BAG3: variants seen among roughly 807,000 people sequenced by gnomAD.
BAG3 encodes the protein BAG cochaperone 3.
In BAG3, 14 loss-of-function variants were observed where a neutral mutation model predicts 40.5. That is an observed-to-expected ratio of 0.35 (90% CI 0.23 to 0.54). BAG3 has a LOEUF of 0.54. BAG3 is among the 20% of genes least tolerant of loss of function. The pLI, the probability that BAG3 is intolerant of heterozygous loss-of-function variation, is 0.91. For synonymous variants in BAG3, 302 were observed against 307.8 expected (o/e 0.98, Z 0.20); for missense variants, 788 against 758.6 (o/e 1.04, Z -0.46).
chr10:119,672,439 C>T lies in BAG3; in HGVS notation c.692C>T (p.Thr231Met), dbSNP rs747454279. 27 of 1,614,108 alleles carry T rather than the reference C, an allele frequency of 1.7e-5. No homozygotes were observed. Among genetic ancestry groups the T allele is most frequent in the East Asian group, 2.2e-5 (1 of 44,884 alleles). Residue 231 changes from threonine to methionine, a missense_variant, in exon 3 of 4, where the codon ACG becomes ATG. Coordinates refer to ENST00000369085, the MANE Select transcript of BAG3 (RefSeq NM_004281.4). This position sits in a 1 kb window ranked among gnomAD's most constrained non-coding sequence, Gnocchi z 4.8. ...CCCTCCTTCCACCAAGCCCAGAAGACGCACTACCCAGCGCAGCAGGGGGAG... is the reference window on the plus strand; with the variant it reads ...CCCTCCTTCCACCAAGCCCAGAAGATGCACTACCCAGCGCAGCAGGGGGAG... ...AQPSFHQAQK[T>M]HYPAQQGEYQ...
intron 2 of BAG3, among the ~76,000 whole-genome samples, chr10:119,671,061 G>A (rs1469207664): frequency 1.3e-5 from 2 of 152,096 alleles, no homozygotes; most frequent in Admixed American, 1.3e-4. Context: ...TCTTAGAGAG[G>A]TAGTACCTGG....
chr10:119,655,947 C>T (rs772261490), intron 1 of BAG3, among the ~76,000 whole-genome samples: 3 of 152,158 alleles, frequency 2.0e-5, no homozygotes, highest in Non-Finnish European at 4.4e-5. Context: ...ATCAGGGCTG[C>T]TTGTGAGTCA....
In BAG3 at chr10:119,672,860, C is replaced by G. The variant is rs1386913625; in HGVS notation, c.909+204C>G. ...GCTGTGAACCCTCCGCACTCTGCAG[C>G]TTTTGCTGGGCTGATCATTGTGCAT... On this transcript the variant is annotated intron_variant, in intron 3 of 3. Transcript: ENST00000369085. This position sits in a 1 kb window ranked among gnomAD's most constrained non-coding sequence, Gnocchi z 4.8. Among the ~76,000 whole-genome samples, 1 of 152,172 alleles carries G rather than the reference C, an allele frequency of 6.6e-6. No homozygotes were observed. Among genetic ancestry groups the G allele is most frequent in the Non-Finnish European group, 1.5e-5 (1 of 68,036 alleles).
Position 119,672,403 on chromosome 10 carries a change from C to T in BAG3, c.656C>T (p.Pro219Leu). Residue 219 changes from proline (P) to leucine (L), a missense_variant, in exon 3 of 4, where the codon CCA becomes CTA. Physicochemically the swap from Pro to Leu is moderately conservative, Grantham distance 98. Transcript: ENST00000369085. The surrounding 1 kb of genome is among the most constrained non-coding windows in gnomAD (Gnocchi z 4.8). The stretch of plus-strand genomic sequence containing the variant: ...ATACACGAGCAGAACGTTACCCGGC[C>T]AGCAGCCCAGCCCTCCTTCCACCAA... Reference protein sequence around the residue: ...PVIHEQNVTRPAAQPSFHQAQ... With the variant: ...PVIHEQNVTRLAAQPSFHQAQ... The T allele has an allele frequency of 6.2e-7, 1 of 1,614,172 alleles. No homozygotes were observed.
At chr10:119,674,160 G>T (rs1847188719) in intron 3 of BAG3, among the ~76,000 whole-genome samples, 1 of 152,196 alleles carries the variant, frequency 6.6e-6, no homozygotes, top group Non-Finnish European at 1.5e-5. Context: ...ACAGGCTGTG[G>T]AACACCCTCT....
In BAG3 at chr10:119,672,533, G is replaced by A. The variant is rs775938242; in HGVS notation, c.786G>A (p.Ala262=). 1.2e-5 allele frequency: 19 copies of A among 1,613,734 alleles called. No individual in the cohort carries two copies. The highest frequency in any genetic ancestry group is 6.7e-5 in the East Asian group (3 of 44,792). The change falls in exon 3 of 4, where the codon GCG becomes GCA. Residue 262 remains alanine (A), a synonymous_variant. Transcript: ENST00000369085. This position sits in a 1 kb window ranked among gnomAD's most constrained non-coding sequence, Gnocchi z 4.8. ...ACTGGGAGCCCCGGCCCCTGCGGGC[G>A]GCATCCCCGTTCAGGTCATCTGTCC... ...GDDWEPRPLR[A]ASPFRSSVQG... is the part of the protein sequence containing the mutation.
Position 119,677,388 on chromosome 10 carries a change from G to C in BAG3, c.*106G>C. The C allele has an allele frequency of 7.1e-7, 1 of 1,417,152 alleles. No individual in the cohort carries two copies. The highest frequency in any genetic ancestry group is 1.2e-5 in the South Asian group (1 of 83,538). The allele number at this position is 1,417,152 out of a possible 1,614,324, so 87.8% of individuals were successfully genotyped here. ...GTCAGTTGGTTTTTATTAGCTGCTT[G>C]GTATGCAGTAACTTGGGTGGAGGCA... is the stretch of plus-strand genomic sequence containing the variant. On this transcript the variant is annotated 3_prime_UTR_variant, in exon 4 of 4. Coordinates refer to ENST00000369085, the MANE Select transcript of BAG3 (RefSeq NM_004281.4).
chr10:119,671,924 C>T (rs1309963127), intron 2 of BAG3, among the ~76,000 whole-genome samples: 1 of 152,084 alleles, frequency 6.6e-6, no homozygotes, highest in Non-Finnish European at 1.5e-5. Context: ...GAGTAGCTGG[C>T]ACTACAGGCA....
intron 1 of BAG3, among the ~76,000 whole-genome samples, chr10:119,655,698 T>C (rs934174794): frequency 6.6e-6 from 1 of 152,114 alleles, no homozygotes; most frequent in Non-Finnish European, 1.5e-5. Context: ...AAGTGATTTG[T>C]TGGGGGGCAG....
At chr10:119,668,787 T>C (rs1275644175) in intron 1 of BAG3, among the ~76,000 whole-genome samples, 2 of 152,260 alleles carry the variant, frequency 1.3e-5, no homozygotes, top group East Asian at 1.9e-4. Flanking sequence ...GAAAAAGTTC[T>C]TCAGTGATAC....
chr10:119,654,538 A>T (rs765854631), intron 1 of BAG3, among the ~76,000 whole-genome samples: 10 of 152,220 alleles, frequency 6.6e-5, no homozygotes, highest in Non-Finnish European at 1.2e-4. Flanking sequence ...GTTTTCACAG[A>T]GGGGCAGAGC....
chr10:119,665,885 G>T (rs1467782335), intron 1 of BAG3, among the ~76,000 whole-genome samples: 1 of 152,072 alleles, frequency 6.6e-6, no homozygotes, highest in Non-Finnish European at 1.5e-5. Context: ...GAGACACTTG[G>T]TTTTTTATTA....
At chr10:119,674,375 TAG>T (rs1847190895) in intron 3 of BAG3, among the ~76,000 whole-genome samples, 1 of 152,194 alleles carries the variant, frequency 6.6e-6, no homozygotes, top group African/African-American at 2.4e-5. Flanking sequence ...GTCCCATTTG[TAG>T]AGAGAGGGAT....
chr10:119,671,658 G>C (rs573387775), intron 2 of BAG3, among the ~76,000 whole-genome samples: 1 of 152,236 alleles, frequency 6.6e-6, no homozygotes, highest in East Asian at 1.9e-4. Flanking sequence ...AGCCCAGTGA[G>C]GGAGGGGCAC....
At chr10:119,663,105 A>G (rs746580733) in intron 1 of BAG3, among the ~76,000 whole-genome samples, 2 of 152,180 alleles carry the variant, frequency 1.3e-5, no homozygotes, top group African/African-American at 4.8e-5. Context: ...GTGACCACTC[A>G]GTGTGCAGGG....
At chr10:119,653,574 A>G (rs1846871621) in intron 1 of BAG3, among the ~76,000 whole-genome samples, 2 of 152,224 alleles carry the variant, frequency 1.3e-5, no homozygotes, top group African/African-American at 4.8e-5. Context: ...TATTAAAAGA[A>G]AAAAAGCAGG....
At chr10:119,670,988 T>C (rs1847142075) in intron 2 of BAG3, among the ~76,000 whole-genome samples, 1 of 152,194 alleles carries the variant, frequency 6.6e-6, no homozygotes, top group Non-Finnish European at 1.5e-5. Flanking sequence ...CGTCTGAATC[T>C]GTTCAGCTTC....
intron 1 of BAG3, among the ~76,000 whole-genome samples, chr10:119,657,850 T>C (rs929394656): frequency 6.6e-6 from 1 of 152,234 alleles, no homozygotes; most frequent in Non-Finnish European, 1.5e-5. Context: ...CCTGGCACTG[T>C]GAAAAGAGTC....
chr10:119,662,011 G>A (rs1192453916), intron 1 of BAG3, among the ~76,000 whole-genome samples: 1 of 152,068 alleles, frequency 6.6e-6, no homozygotes, highest in Non-Finnish European at 1.5e-5. Flanking sequence ...AGCTTCGGTA[G>A]GGTGCTGAAG....
Sources: gnomAD v4.1 joint callset for allele counts (sites outside exome capture counted in the v4.1 genomes callset) on GRCh38, gnomAD v4.1.1 for gene constraint, Gnocchi (gnomAD v3.1) non-coding constraint, MANE v1.5 for transcripts, NCBI Gene and HGNC (gene_info 2026-07-23, HGNC 2026-07-21) for gene names.